NT5DC3: variants seen among roughly 807,000 people sequenced by gnomAD.
NT5DC3 encodes the protein 5'-nucleotidase domain-containing protein 3.
NT5DC3 carries 42 observed loss-of-function variants against 67.8 expected under a neutral mutation model. The observed-to-expected ratio is 0.62, with a 90% confidence interval of 0.48 to 0.80. The LOEUF (loss-of-function observed/expected upper bound fraction) is 0.80. NT5DC3 is among the 30% of genes least tolerant of loss of function. NT5DC3 has a pLI of 0.00. For missense variants in NT5DC3, 570 were observed against 696.4 expected (o/e 0.82, Z 2.04); for synonymous variants, 237 against 255.6 (o/e 0.93, Z 0.69).
At chr12:103,806,212 G>C in intron 4 of NT5DC3, 110 bp downstream of exon 4, 1 of 719,910 alleles carries the variant, frequency 1.4e-6, no homozygotes, top group Admixed American at 2.1e-5. Flanking sequence ...GTGAATGAAT[G>C]AATCATATTC....
At chr12:103,822,874 ATT>A (rs1477573777) in intron 1 of NT5DC3, among the ~76,000 whole-genome samples, 1 of 152,226 alleles carries the variant, frequency 6.6e-6, no homozygotes, top group East Asian at 1.9e-4. Flanking sequence ...ATATGCAAAC[ATT>A]TTGTTGCATT....
chr12:103,767,389 G>A (rs953070037), downstream of NT5DC3, among the ~76,000 whole-genome samples: 1 of 152,186 alleles, frequency 6.6e-6, no homozygotes, highest in Non-Finnish European at 1.5e-5. Context: ...GAGACAGAAA[G>A]TAGGTTGATT....
chr12:103,831,473 C>A (rs924810428), intron 1 of NT5DC3, among the ~76,000 whole-genome samples: 1 of 152,140 alleles, frequency 6.6e-6, no homozygotes, highest in Admixed American at 6.5e-5. Context: ...AAACCCAAAT[C>A]CATGTGAGGA....
the NT5DC3 span, chr12:103,750,740 A>G: frequency 6.2e-7 from 1 of 1,603,558 alleles, no homozygotes; most frequent in Non-Finnish European, 8.5e-7. Flanking sequence ...ACCAGGGCCT[A>G]TGGCCCAAAG....
At chr12:103,770,908 T>C (rs562488789), downstream of NT5DC3, 5 of 152,308 alleles carry the variant, frequency 3.3e-5, no homozygotes, top group South Asian at 4.1e-4. Context: ...TTAGTGCCCT[T>C]ATAATAGAGG....
At chr12:103,805,594 C>T (rs1886763455) in intron 4 of NT5DC3, among the ~76,000 whole-genome samples, 1 of 152,070 alleles carries the variant, frequency 6.6e-6, no homozygotes, top group Non-Finnish European at 1.5e-5. Context: ...GCCTGTAATC[C>T]CAGCACTTTG....
chr12:103,796,965 A>G lies in NT5DC3; in HGVS notation c.682T>C (p.Ser228Pro). 6.2e-7 allele frequency: 1 copy of G among 1,614,152 alleles called. No homozygotes were observed. The highest frequency in any genetic ancestry group is 8.5e-7 in the Non-Finnish European group (1 of 1,180,000). Reference sequence around the variant, plus strand: ...TTGAGGAAGTATTCATTCACGCAGGACAGGAGGGTCATCTCGGGCAGGGAG... The same window carrying G: ...TTGAGGAAGTATTCATTCACGCAGGGCAGGAGGGTCATCTCGGGCAGGGAG... ...IFSLPEMTLL[S>P]CVNEYFLKNN... The change falls in exon 6 of 14, where the codon TCC becomes CCC. Residue 228 changes from serine (S) to proline (P), a missense_variant. Ser to Pro is a moderately conservative substitution (Grantham distance 74). Coordinates refer to ENST00000392876, the MANE Select transcript of NT5DC3 (RefSeq NM_001031701.3).
chr12:103,812,865 GT>G lies in NT5DC3; in HGVS notation c.393+2071del, dbSNP rs1887093134. 2.6e-5 allele frequency among the ~76,000 whole-genome samples: 4 copies of G among 152,316 alleles called. No individual in the cohort carries two copies. The South Asian group carries it at 8.3e-4, about 32-fold the overall frequency. On this transcript the variant is annotated intron_variant, in intron 2 of 13. Transcript: ENST00000392876. ...AATAAATAGCTAACCTTTATTGAGT[GT>G]TTTCTATGTGCCATCTACTTTACAT...
At chr12:103,793,808 G>C in intron 7 of NT5DC3, 129 bp downstream of exon 7, 1 of 731,064 alleles carries the variant, frequency 1.4e-6, no homozygotes, top group Non-Finnish European at 2.4e-6. Flanking sequence ...AACATGCCAG[G>C]ATGCCAGGTC....
intron 11 of NT5DC3, 23 bp downstream of exon 11, chr12:103,787,418 C>T: frequency 7.4e-7 from 1 of 1,359,546 alleles, no homozygotes. Flanking sequence ...TGTCCCCCAA[C>T]AAAGGAAAAA....
chr12:103,838,708 A>T (rs1235254765), intron 1 of NT5DC3, among the ~76,000 whole-genome samples: 1 of 152,214 alleles, frequency 6.6e-6, no homozygotes, highest in Non-Finnish European at 1.5e-5. Flanking sequence ...AAATGGTTCA[A>T]TAGAGTTAAT....
intron 1 of NT5DC3, among the ~76,000 whole-genome samples, chr12:103,832,851 T>C (rs1887990209): frequency 6.6e-6 from 1 of 152,204 alleles, no homozygotes; most frequent in Non-Finnish European, 1.5e-5. Flanking sequence ...CAGAAGACAC[T>C]AAGATTCCCC....
chr12:103,755,465 A>C, the NT5DC3 span: 3 of 1,613,816 alleles, frequency 1.9e-6, no homozygotes, highest in Non-Finnish European at 2.5e-6. Flanking sequence ...TATCGGATGA[A>C]AGGTAACCGC....
At chr12:103,826,190 A>C (rs576040284) in intron 1 of NT5DC3, among the ~76,000 whole-genome samples, 1 of 152,370 alleles carries the variant, frequency 6.6e-6, no homozygotes, top group East Asian at 1.9e-4. Context: ...CTCTCCAGGG[A>C]ATCTTTGAGA....
chr12:103,828,709 T>A (rs1593438163), intron 1 of NT5DC3, among the ~76,000 whole-genome samples: 1 of 150,088 alleles, frequency 6.7e-6, no homozygotes, highest in African/African-American at 2.4e-5. Flanking sequence ...TTTATTTTTT[T>A]TTTTTGGAGA....
At chr12:103,823,848 A>G (rs183056489) in intron 1 of NT5DC3, among the ~76,000 whole-genome samples, 55 of 152,308 alleles carry the variant, frequency 3.6e-4, no homozygotes, top group Non-Finnish European at 7.2e-4. Flanking sequence ...CAAATTTTAA[A>G]CTTTTAAACT....
chr12:103,790,626 C>T (rs1013977610), intron 9 of NT5DC3, among the ~76,000 whole-genome samples: 37 of 151,724 alleles, frequency 2.4e-4, no homozygotes, highest in African/African-American at 8.0e-4. Context: ...TCAAGCAATC[C>T]TCTGGCTTCA....
chr12:103,751,935 A>G, the NT5DC3 span, among the ~76,000 whole-genome samples: 3 of 143,576 alleles, frequency 2.1e-5, no homozygotes, highest in African/African-American at 7.5e-5. Context: ...AGCTTTCCCT[A>G]TAGGCACAGT....
At chr12:103,825,420 A>T (rs1181232274) in intron 1 of NT5DC3, among the ~76,000 whole-genome samples, 1 of 152,112 alleles carries the variant, frequency 6.6e-6, no homozygotes, top group Non-Finnish European at 1.5e-5. Context: ...CCTAATCTTT[A>T]AAAAAAATCT....
Sources: gnomAD v4.1 joint callset for allele counts (sites outside exome capture counted in the v4.1 genomes callset) on GRCh38, gnomAD v4.1.1 for gene constraint, MANE v1.5 for transcripts, NCBI Gene and HGNC (gene_info 2026-07-23, HGNC 2026-07-21) for gene names.